LMTK3: variants seen among roughly 807,000 people sequenced by gnomAD.
LMTK3 encodes the protein serine/threonine-protein kinase LMTK3.
In LMTK3, 27 loss-of-function variants were observed where a neutral mutation model predicts 116.7. The observed-to-expected ratio is 0.23, with a 90% CI of 0.17 to 0.32. The LOEUF (loss-of-function observed/expected upper bound fraction) is 0.32, where lower values mean the gene tolerates loss of function less well. Among genes scored for constraint, LMTK3 ranks in the 10% least tolerant of loss-of-function variants. The pLI is 1.00. For synonymous variants in LMTK3, 965 were observed against 971.0 expected, an observed-to-expected ratio of 0.99 and a Z score of 0.11; for missense variants, 1,764 against 2,068.5, an observed-to-expected ratio of 0.85 and a Z score of 2.86.
chr19:48,512,548 G>A (rs1234470391), upstream of LMTK3, among the ~76,000 whole-genome samples: 1 of 152,178 alleles, frequency 6.6e-6, no homozygotes, highest in East Asian at 1.9e-4. Context: ...ACACAGACAT[G>A]CACAGACAGC....
chr19:48,504,808 G>A (rs1036364264), intron 5 of LMTK3, among the ~76,000 whole-genome samples: 4 of 151,650 alleles, frequency 2.6e-5, no homozygotes, highest in East Asian at 3.9e-4. Context: ...TCGGCCTCCC[G>A]AAGTGCTGGG....
In LMTK3 at chr19:48,485,486, C is replaced by A; in HGVS notation, c.*287G>T. 4.6e-6 allele frequency: 2 copies of A among 438,714 alleles called. No individual in the cohort carries two copies. The allele number at this position is 438,714 out of a possible 1,614,324, so 27.2% of individuals were successfully genotyped here. ...GAGGGGCTCCAGGCCCAAAAGAGTT[C>A]AGTTCAGTTCCGAGAAAGGCGGCTC... On this transcript the variant is annotated 3_prime_UTR_variant, in exon 15 of 15. Coordinates refer to ENST00000600059, the MANE Select transcript of LMTK3 (RefSeq NM_001388485.1).
upstream of LMTK3, chr19:48,513,114 CA>C: frequency 6.3e-7 from 1 of 1,582,666 alleles, no homozygotes; most frequent in Non-Finnish European, 8.6e-7. The surrounding 1 kb of genome is among the most constrained non-coding windows in gnomAD (Gnocchi z 5.6). Context: ...GACACGCGCA[CA>C]GACACACGGG....
In LMTK3 at chr19:48,494,751, G is replaced by GT. The variant is rs1972296631; in HGVS notation, c.3677-643_3677-642insA. On this transcript the variant is annotated intron_variant, in intron 11 of 14. Transcript: ENST00000600059. The surrounding 1 kb of genome is among the most constrained non-coding windows in gnomAD (Gnocchi z 4.0). ...ATGGCAGGGGCAAGAGGAGGGTGGA[G>GT]GTGGGGCAGGGAGAAAGATGAATGC... 6.6e-6 allele frequency among the ~76,000 whole-genome samples: 1 copy of GT among 152,202 alleles called. No individual in the cohort carries two copies. Among genetic ancestry groups the GT allele is most frequent in the African/African-American group, 2.4e-5 (1 of 41,440 alleles).
chr19:48,501,409 G>A lies in LMTK3; in HGVS notation c.880-5C>T. 1 of 1,612,958 alleles carries A rather than the reference G, an allele frequency of 6.2e-7. No homozygotes were observed. The highest frequency in any genetic ancestry group is 8.5e-7 in the Non-Finnish European group (1 of 1,179,622). ...TGGGGTCAGGTAGTAGTCCTCCTGA[G>A]GGAACCAGGGCGGTGTCAGGCGGGT... On this transcript the variant is annotated splice_region_variant and splice_polypyrimidine_tract_variant and intron_variant, in intron 8 of 14. Coordinates refer to ENST00000600059, the MANE Select transcript of LMTK3 (RefSeq NM_001388485.1).
Position 48,498,596 on chromosome 19 carries a change from G to C in LMTK3, c.2473C>G (p.Pro825Ala). 1 of 1,549,322 alleles carries C rather than the reference G, an allele frequency of 6.5e-7. No homozygotes were observed. Among genetic ancestry groups the C allele is most frequent in the Non-Finnish European group, 8.7e-7 (1 of 1,146,740 alleles). ...EEGVPRPRAP[P>A]EPPDPGAPRP... Reference sequence around the variant, plus strand: ...GGCGCTCCTGGGTCGGGTGGCTCGGGGGGAGCCCGCGGCCGAGGGACCCCT... The same window carrying C: ...GGCGCTCCTGGGTCGGGTGGCTCGGCGGGAGCCCGCGGCCGAGGGACCCCT... The change falls in exon 11 of 15, where the codon CCC becomes GCC. Residue 825 changes from proline (P) to alanine (A), a missense_variant. By Grantham distance (27) the Pro-to-Ala change is conservative. Transcript: ENST00000600059.
At chr19:48,488,531 C>T (rs1972164139) in intron 14 of LMTK3, among the ~76,000 whole-genome samples, 1 of 152,080 alleles carries the variant, frequency 6.6e-6, no homozygotes, top group African/African-American at 2.4e-5. Context: ...CCCAGCTCCT[C>T]AGTGCACCCC....
chr19:48,490,726 T>G (rs1417576786), intron 14 of LMTK3, among the ~76,000 whole-genome samples: 1 of 152,138 alleles, frequency 6.6e-6, no homozygotes, highest in Admixed American at 6.5e-5. Flanking sequence ...CACTCTGGGT[T>G]TCTCTCTCCT....
At chr19:48,501,953 C>T in intron 7 of LMTK3, among the ~76,000 whole-genome samples, 2 of 139,294 alleles carry the variant, frequency 1.4e-5, no homozygotes, top group South Asian at 2.5e-4. Context: ...GACTCCTCCC[C>T]CTCCCCTGCC....
chr19:48,500,895 G>T lies in LMTK3; in HGVS notation c.1151+101C>A. 5.7e-6 allele frequency: 7 copies of T among 1,231,836 alleles called. No homozygotes were observed. The highest frequency in any genetic ancestry group is 7.7e-6 in the Non-Finnish European group (7 of 910,154). The allele number at this position is 1,231,836 out of a possible 1,614,324, so 76.3% of individuals were successfully genotyped here. On this transcript the variant is annotated intron_variant, in intron 10 of 14. Transcript: ENST00000600059. The surrounding 1 kb of genome is among the most constrained non-coding windows in gnomAD (Gnocchi z 4.0). ...CCTCTTCACTCTTGAGGGGTATGGAGGGCAAACGGGATGTGGGTGATGTGG... is the reference window on the plus strand; with the variant it reads ...CCTCTTCACTCTTGAGGGGTATGGATGGCAAACGGGATGTGGGTGATGTGG...
Position 48,497,142 on chromosome 19 carries a change from T to G in LMTK3, c.3676+251A>C, listed in dbSNP as rs1400827994. Among the ~76,000 whole-genome samples, 1 of 152,216 alleles carries G rather than the reference T, an allele frequency of 6.6e-6. No homozygotes were observed. On this transcript the variant is annotated intron_variant, in intron 11 of 14. Transcript: ENST00000600059. The surrounding 1 kb of genome is among the most constrained non-coding windows in gnomAD (Gnocchi z 5.7). Reference sequence around the variant, plus strand: ...TCATTTAACCTTCACAGCAACCCTATGACGTAGGTTCTATCCCTGCCATCC... The same window carrying G: ...TCATTTAACCTTCACAGCAACCCTAGGACGTAGGTTCTATCCCTGCCATCC...
At position 48,509,159 on chromosome 19, in the gene LMTK3, G is replaced by T. The variant is rs575981459; in HGVS notation, c.439-190C>A. 1.2e-4 allele frequency among the ~76,000 whole-genome samples: 18 copies of T among 152,276 alleles called. No individual in the cohort carries two copies. The South Asian group carries it at 3.3e-3, about 28-fold the overall frequency. ...CGGGCCCAGAATCCGATGGACGCAG[G>T]GACGGATGGAAGGATGGACAGACGG... is the stretch of plus-strand genomic sequence containing the variant. On this transcript the variant is annotated intron_variant, in intron 4 of 14. Transcript: ENST00000600059.
intron 14 of LMTK3, among the ~76,000 whole-genome samples, chr19:48,486,208 C>T (rs1050655463): frequency 4.0e-5 from 6 of 149,864 alleles, no homozygotes; most frequent in East Asian, 2.0e-4. Context: ...TACAGGCGCC[C>T]GCCACTACGC....
At chr19:48,486,378 C>T (rs1375110538) in intron 14 of LMTK3, among the ~76,000 whole-genome samples, 11 of 151,498 alleles carry the variant, frequency 7.3e-5, no homozygotes, top group African/African-American at 1.5e-4. Flanking sequence ...ATTCTTCCTA[C>T]GTGACTCAGG....
rs1232638210 is a variant in LMTK3, at chr19:48,499,502, C to G, written c.1567G>C (p.Val523Leu). 2.1e-6 allele frequency: 3 copies of G among 1,435,754 alleles called. No individual in the cohort carries two copies. Among genetic ancestry groups the G allele is most frequent in the East Asian group, 5.4e-5 (2 of 37,054 alleles). 88.9% of individuals were successfully genotyped at this position (1,435,754 alleles called of 1,614,324 possible). Residue 523 changes from valine to leucine, a missense_variant, in exon 11 of 15, where the codon GTG becomes CTG. Coordinates refer to ENST00000600059, the MANE Select transcript of LMTK3 (RefSeq NM_001388485.1). ...CTGCGGGCGCTGATGACAGGCAGCA[C>G]GCTGGGCGTGGACAGCGCCTCGTAG... Reference protein sequence around the residue: ...PFYEALSTPSVLPVISARSPS... With the variant: ...PFYEALSTPSLLPVISARSPS...
intron 5 of LMTK3, among the ~76,000 whole-genome samples, chr19:48,506,790 G>C (rs193020517): frequency 6.6e-6 from 1 of 152,226 alleles, no homozygotes; most frequent in Admixed American, 6.5e-5. Flanking sequence ...TCAGCCTCCT[G>C]AGTAGCTGGG....
In LMTK3 at chr19:48,491,453, G is replaced by T; in HGVS notation, c.4179C>A (p.Pro1393=). 7.0e-7 allele frequency: 1 copy of T among 1,425,890 alleles called. No homozygotes were observed. The highest frequency in any genetic ancestry group is 9.2e-7 in the Non-Finnish European group (1 of 1,089,250). 88.3% of individuals were successfully genotyped at this position (1,425,890 alleles called of 1,614,324 possible). The change falls in exon 13 of 15, where the codon CCC becomes CCA. Residue 1393 remains proline, a synonymous_variant. Transcript: ENST00000600059. The surrounding 1 kb of genome is among the most constrained non-coding windows in gnomAD (Gnocchi z 5.1). The stretch of plus-strand genomic sequence containing the variant: ...ACCCATCTCCGGGGGTGGCGGGGTG[G>T]GGAGGTGTCGGGGGCGCTGGAGGCG... ...PSTPPAPPTP[P]HPATPGDGFP...
At position 48,494,477 on chromosome 19, in the gene LMTK3, G is replaced by T. The variant is rs1432406591; in HGVS notation, c.3677-368C>A. 6.6e-6 allele frequency among the ~76,000 whole-genome samples: 1 copy of T among 152,136 alleles called. No individual in the cohort carries two copies. Among genetic ancestry groups the T allele is most frequent in the Non-Finnish European group, 1.5e-5 (1 of 68,020 alleles). On this transcript the variant is annotated intron_variant, in intron 11 of 14. Coordinates refer to ENST00000600059, the MANE Select transcript of LMTK3 (RefSeq NM_001388485.1). This position sits in a 1 kb window ranked among gnomAD's most constrained non-coding sequence, Gnocchi z 4.0. ...CGAATAGCTGGGACTACAGGCGCAC[G>T]TGCCACCATGCCCGGCTAATTTTTT...
Position 48,493,974 on chromosome 19 carries a change from G to T in LMTK3, c.3812C>A (p.Pro1271Gln). 9.5e-7 allele frequency: 1 copy of T among 1,048,274 alleles called. No individual in the cohort carries two copies. The highest frequency in any genetic ancestry group is 1.1e-6 in the Non-Finnish European group (1 of 874,316). 64.9% of individuals were successfully genotyped at this position (1,048,274 alleles called of 1,614,324 possible). A position where few individuals can be genotyped will look rare whatever the true frequency, so the allele number is the denominator to read the frequency against. The change falls in exon 12 of 15, where the codon CCG becomes CAG. Residue 1271 changes from proline (P) to glutamine (Q), a missense_variant. Transcript: ENST00000600059. ...CTCCCCGTCCTCCTCCGCCGGCCCCGGCGCTCCCGCCCCGCCGGCCTCCCC... is the reference window on the plus strand; with the variant it reads ...CTCCCCGTCCTCCTCCGCCGGCCCCTGCGCTCCCGCCCCGCCGGCCTCCCC... ...AGGEAGGAGA[P>Q]GPAEEDGEDE... is the part of the protein sequence containing the mutation.
Sources: gnomAD v4.1 joint callset for allele counts (sites outside exome capture counted in the v4.1 genomes callset) on GRCh38, gnomAD v4.1.1 for gene constraint, Gnocchi (gnomAD v3.1) non-coding constraint, MANE v1.5 for transcripts, NCBI Gene and HGNC (gene_info 2026-07-23, HGNC 2026-07-21) for gene names.